ZNF385D: variants seen among roughly 807,000 people sequenced by gnomAD.
ZNF385D encodes zinc finger protein 659.
A neutral mutation model predicts 35.8 loss-of-function variants in ZNF385D; 15 were observed. The ratio of observed to expected loss-of-function variants is 0.42; its 90% CI spans 0.28 to 0.64. The LOEUF (loss-of-function observed/expected upper bound fraction) is 0.64. ZNF385D is among the 30% of genes least tolerant of loss of function. The pLI is 0.23. For synonymous variants in ZNF385D, 212 were observed against 186.8 expected (o/e 1.13, Z -1.10); for missense variants, 474 against 494.6 (o/e 0.96, Z 0.39).
rs144848956 is a variant in ZNF385D at position 21,882,170 on chromosome 3, G to C, written c.326-217142C>G. Among the ~76,000 whole-genome samples the C allele has an allele frequency of 4.6e-3, 694 of 152,128 alleles. 8 individuals carry two copies. The highest frequency in any genetic ancestry group is 0.015 in the African/African-American group (629 of 41,548). On this transcript the variant is annotated intron_variant, in intron 3 of 5. Transcript: ENST00000494108. ...GCAATTTTGAAAGAAATTCTACTGTGAGTAAAATGCTATCAAACAGCATTG... is the reference window on the plus strand; with the variant it reads ...GCAATTTTGAAAGAAATTCTACTGTCAGTAAAATGCTATCAAACAGCATTG...
intron 3 of ZNF385D, among the ~76,000 whole-genome samples, chr3:22,009,622 CAAAAAAAAAAATAA>C (rs1482468217): frequency 2.1e-5 from 1 of 48,382 alleles, no homozygotes; most frequent in Non-Finnish European, 3.9e-5. Context: ...GACTCTGTCT[CAAAAAAAAAAATAA>C]AAAAAAAAAA....
intron 2 of ZNF385D, among the ~76,000 whole-genome samples, chr3:22,312,628 C>T (rs1007837190): frequency 2.2e-4 from 34 of 152,212 alleles, no homozygotes; most frequent in East Asian, 5.8e-4. Flanking sequence ...AAGACATTTA[C>T]GGAGCCAAAA....
chr3:22,067,659 A>G (rs1398629459), intron 3 of ZNF385D, among the ~76,000 whole-genome samples: 2 of 152,206 alleles, frequency 1.3e-5, no homozygotes, highest in East Asian at 3.8e-4. Context: ...TTAATGGGAA[A>G]GGATATCTTT....
intron 2 of ZNF385D, among the ~76,000 whole-genome samples, chr3:22,307,288 T>C (rs1350568073): frequency 6.6e-6 from 1 of 152,118 alleles, no homozygotes; most frequent in Non-Finnish European, 1.5e-5. Context: ...TCTGCAATGA[T>C]AGATTAGAGT....
intron 3 of ZNF385D, among the ~76,000 whole-genome samples, chr3:22,098,063 A>G (rs1376592550): frequency 6.6e-6 from 1 of 152,036 alleles, no homozygotes; most frequent in Non-Finnish European, 1.5e-5. Context: ...GTGTGTTGGC[A>G]GAAGAGGTGG....
intron 3 of ZNF385D, among the ~76,000 whole-genome samples, chr3:21,885,331 C>T (rs143956768): frequency 6.6e-6 from 1 of 152,082 alleles, no homozygotes; most frequent in East Asian, 1.9e-4. Flanking sequence ...TTGAACTATA[C>T]TTATTCACAA....
chr3:21,424,317 A>ATATATTTTTT (rs1221923155), intron 6 of ZNF385D, among the ~76,000 whole-genome samples: 10 of 63,802 alleles, frequency 1.6e-4, no homozygotes, highest in African/African-American at 6.1e-4. Flanking sequence ...ATATATATAT[A>ATATATTTTTT]TTTTTTTTTT....
chr3:22,168,921 T>G (rs1345563454), exon 3 of ZNF385D: 16 of 985,770 alleles, frequency 1.6e-5, no homozygotes, highest in Non-Finnish European at 1.9e-5. Flanking sequence ...CAGCTGAATG[T>G]TACATACATT....
chr3:22,263,996 T>A (rs1282228403), intron 2 of ZNF385D, among the ~76,000 whole-genome samples: 1 of 152,016 alleles, frequency 6.6e-6, no homozygotes, highest in Non-Finnish European at 1.5e-5. Flanking sequence ...TTTCCCTGCT[T>A]ATTGTCTAGC....
intron 3 of ZNF385D, among the ~76,000 whole-genome samples, chr3:22,036,679 C>T (rs1698340211): frequency 6.8e-6 from 1 of 146,440 alleles, no homozygotes; most frequent in Admixed American, 6.9e-5. Context: ...TTTTAGAATA[C>T]AATACGAGAA....
At chr3:22,253,412 T>G (rs1700160176) in intron 2 of ZNF385D, among the ~76,000 whole-genome samples, 3 of 152,160 alleles carry the variant, frequency 2.0e-5, no homozygotes, top group South Asian at 4.1e-4. Flanking sequence ...GAATCTCAAC[T>G]TCAGCAGTAA....
intron 2 of ZNF385D, among the ~76,000 whole-genome samples, chr3:22,298,528 A>G (rs969561602): frequency 6.9e-6 from 1 of 144,162 alleles, no homozygotes. Context: ...TATATAATAT[A>G]TATACATAAA....
At chr3:21,726,743 T>C (rs2068781274) in intron 1 of ZNF385D, among the ~76,000 whole-genome samples, 1 of 152,190 alleles carries the variant, frequency 6.6e-6, no homozygotes, top group Non-Finnish European at 1.5e-5. Context: ...ATGCCTATAC[T>C]GCCCGAAGTG....
intron 3 of ZNF385D, among the ~76,000 whole-genome samples, chr3:22,024,717 C>A (rs1697432566): frequency 6.6e-6 from 1 of 152,184 alleles, no homozygotes. Flanking sequence ...TTGTGAGAGG[C>A]AAGGAGTTTA....
At chr3:22,082,693 G>C (rs926728795) in intron 3 of ZNF385D, among the ~76,000 whole-genome samples, 1 of 152,200 alleles carries the variant, frequency 6.6e-6, no homozygotes, top group African/African-American at 2.4e-5. Flanking sequence ...GCTCTGAAGA[G>C]AGCAGTGGTT....
intron 4 of ZNF385D, among the ~76,000 whole-genome samples, chr3:21,509,665 G>C (rs1324452741): frequency 2.0e-5 from 3 of 152,018 alleles, no homozygotes; most frequent in East Asian, 1.9e-4. Context: ...TCATTCAACA[G>C]ACATTTTACT....
chr3:22,145,192 A>G (rs568426248), intron 3 of ZNF385D, among the ~76,000 whole-genome samples: 4 of 152,322 alleles, frequency 2.6e-5, no homozygotes, highest in Admixed American at 2.6e-4. Context: ...TTTTAATTTT[A>G]CCTTCTTTAT....
intron 2 of ZNF385D, among the ~76,000 whole-genome samples, chr3:22,319,100 A>G (rs1704057879): frequency 1.3e-5 from 2 of 152,182 alleles, no homozygotes; most frequent in Non-Finnish European, 2.9e-5. Context: ...CCAAATTTGT[A>G]ATTATCATAA....
rs140902273 is a variant in ZNF385D at position 22,227,690 on chromosome 3, CATG to C, written c.107-58658_107-58656del. Among the ~76,000 whole-genome samples, 947 of 152,260 alleles carry C rather than the reference CATG, an allele frequency of 6.2e-3. 7 individuals are homozygous for C. The highest frequency in any genetic ancestry group is 0.021 in the African/African-American group (880 of 41,554). On this transcript the variant is annotated intron_variant, in intron 2 of 5. Coordinates refer to the ZNF385D transcript ENST00000494108. ...AGACATGCCCACCAGTGTGCCATGTCATGATACCATTGCCATGGCAACACCCAG... is the reference window on the plus strand; with the variant it reads ...AGACATGCCCACCAGTGTGCCATGTCATACCATTGCCATGGCAACACCCAG...
Sources: allele counts gnomAD v4.1 joint callset (sites outside exome capture counted in the v4.1 genomes callset), GRCh38; gene constraint gnomAD v4.1.1; transcripts MANE v1.5; gene names NCBI Gene and HGNC (gene_info 2026-07-23, HGNC 2026-07-21).